The following GFRA1 variants were observed in gnomAD, a reference collection of about 807,000 sequenced individuals.
GFRA1 encodes the protein GDNF family receptor alpha 1.
A neutral mutation model predicts 51.6 loss-of-function variants in GFRA1; 16 were observed. The ratio of observed to expected loss-of-function variants is 0.31; its 90% CI spans 0.21 to 0.47. GFRA1 has a LOEUF of 0.47. Ranked by LOEUF, GFRA1 falls within the 20% of genes least tolerant of loss-of-function variation. The probability of loss-of-function intolerance (pLI) is 1.00; values close to 1 mark genes in which losing one functional copy is unlikely to be tolerated. For missense variants in GFRA1, 530 were observed against 594.3 expected (o/e 0.89, Z 1.13); for synonymous variants, 270 against 241.3 (o/e 1.12, Z -1.10).
intron 9 of GFRA1, among the ~76,000 whole-genome samples, chr10:116,084,110 G>C (rs1955982282): frequency 6.6e-6 from 1 of 152,294 alleles, no homozygotes; most frequent in African/African-American, 2.4e-5. Context: ...ACAAAGAGGG[G>C]CCCACGGTGT....
chr10:116,090,751 T>C (rs1043993720), intron 8 of GFRA1, among the ~76,000 whole-genome samples: 3 of 152,138 alleles, frequency 2.0e-5, no homozygotes, highest in Non-Finnish European at 4.4e-5. Flanking sequence ...TTCATATTCA[T>C]TGTATAAAAA....
chr10:116,178,646 T>A lies in GFRA1; in HGVS notation c.433+32985A>T, dbSNP rs145160938. Among the ~76,000 whole-genome samples the A allele has an allele frequency of 2.8e-3, 421 of 152,298 alleles. 3 individuals are homozygous for A. Among genetic ancestry groups the A allele is most frequent in the African/African-American group, 9.4e-3 (392 of 41,572 alleles). On this transcript the variant is annotated intron_variant, in intron 5 of 10. Coordinates refer to ENST00000355422, the MANE Select transcript of GFRA1 (RefSeq NM_005264.8). The stretch of plus-strand genomic sequence containing the variant: ...GAAGAGGGCAGAGATGAATCCCCAC[T>A]CTGATCTGACTGGGGTCACCCACGG...
intron 5 of GFRA1, among the ~76,000 whole-genome samples, chr10:116,178,339 C>T (rs903395341): frequency 1.3e-5 from 2 of 151,832 alleles, no homozygotes; most frequent in Non-Finnish European, 1.5e-5. Flanking sequence ...TACAGTACGT[C>T]CTGTCTGTAC....
intron 8 of GFRA1, among the ~76,000 whole-genome samples, chr10:116,091,021 CTGG>C (rs1230231820): frequency 6.6e-6 from 1 of 152,150 alleles, no homozygotes; most frequent in Admixed American, 6.6e-5. Context: ...CATGGCTTAA[CTGG>C]TGAGTGTGAG....
At chr10:116,220,186 T>C (rs578066572) in intron 4 of GFRA1, among the ~76,000 whole-genome samples, 79 of 152,360 alleles carry the variant, frequency 5.2e-4, no homozygotes, top group Non-Finnish European at 7.5e-4. Flanking sequence ...TATTCCAAGA[T>C]ATTATCTCAG....
chr10:116,082,091 C>A (rs1406466863), intron 9 of GFRA1, among the ~76,000 whole-genome samples: 1 of 152,130 alleles, frequency 6.6e-6, no homozygotes, highest in Non-Finnish European at 1.5e-5. Flanking sequence ...TTTCTGCAAC[C>A]AAGAATGTTT....
chr10:116,207,974 C>G (rs919545343), intron 5 of GFRA1, among the ~76,000 whole-genome samples: 1 of 152,088 alleles, frequency 6.6e-6, no homozygotes, highest in Admixed American at 6.5e-5. Flanking sequence ...GTTTTTGCAG[C>G]ATCCAGAGTG....
At chr10:116,130,720 C>G (rs900540053) in intron 5 of GFRA1, among the ~76,000 whole-genome samples, 2 of 151,864 alleles carry the variant, frequency 1.3e-5, no homozygotes, top group Non-Finnish European at 2.9e-5. Flanking sequence ...AAAAGAAAAA[C>G]CCAAATACAA....
chr10:116,098,268 A>T (rs944713955), intron 6 of GFRA1, among the ~76,000 whole-genome samples: 5 of 152,246 alleles, frequency 3.3e-5, no homozygotes, highest in Non-Finnish European at 7.3e-5. Flanking sequence ...AAATCCTGCG[A>T]ATGTGGCTGG....
chr10:116,186,898 C>T (rs1328637145), intron 5 of GFRA1, among the ~76,000 whole-genome samples: 6 of 152,088 alleles, frequency 3.9e-5, no homozygotes, highest in Admixed American at 3.9e-4. Context: ...CTTCTTGCAC[C>T]TCAGCTCAAG....
At chr10:116,198,605 G>A (rs952382160) in intron 5 of GFRA1, among the ~76,000 whole-genome samples, 6 of 152,306 alleles carry the variant, frequency 3.9e-5, no homozygotes, top group East Asian at 1.9e-4. Flanking sequence ...GCTACTCGCC[G>A]TGTTTTCCTC....
At chr10:116,253,064 G>A (rs79930607) in intron 4 of GFRA1, among the ~76,000 whole-genome samples, 348 of 152,314 alleles carry the variant, frequency 2.3e-3, no homozygotes, top group African/African-American at 8.1e-3. Context: ...TTTGAGTTAT[G>A]GCCAGGATAT....
intron 3 of GFRA1, 55 bp downstream of exon 3, chr10:116,270,767 G>T: frequency 2.0e-6 from 3 of 1,482,232 alleles, no homozygotes; most frequent in Non-Finnish European, 2.8e-6. Context: ...GGGACGAAAG[G>T]CCCGCCTGCC....
intron 8 of GFRA1, among the ~76,000 whole-genome samples, chr10:116,092,620 C>T (rs558694643): frequency 1.3e-5 from 2 of 152,010 alleles, no homozygotes; most frequent in South Asian, 2.1e-4. Context: ...TCCTCAACAT[C>T]GGGGTGAACA....
chr10:116,088,209 C>T (rs1467088657), intron 9 of GFRA1, among the ~76,000 whole-genome samples: 1 of 152,040 alleles, frequency 6.6e-6, no homozygotes, highest in African/African-American at 2.4e-5. Context: ...CTGAAACTTT[C>T]TAGGGAATGA....
At chr10:116,098,272 T>C (rs1040886627) in intron 6 of GFRA1, among the ~76,000 whole-genome samples, 5 of 152,228 alleles carry the variant, frequency 3.3e-5, no homozygotes, top group African/African-American at 4.8e-5. Context: ...CCTGCGAATG[T>C]GGCTGGGGTG....
At chr10:116,153,076 C>A (rs2134145647) in intron 5 of GFRA1, among the ~76,000 whole-genome samples, 1 of 152,246 alleles carries the variant, frequency 6.6e-6, no homozygotes, top group Middle Eastern at 3.4e-3. Context: ...CAAATAAAAA[C>A]TCCGAGGGGG....
At chr10:116,236,531 AAAAAAGAG>A (rs1161547730) in intron 4 of GFRA1, among the ~76,000 whole-genome samples, 1 of 152,208 alleles carries the variant, frequency 6.6e-6, no homozygotes, top group Admixed American at 6.5e-5. Flanking sequence ...ACAGACCCAG[AAAAAAGAG>A]AAAAAGATTA....
intron 8 of GFRA1, among the ~76,000 whole-genome samples, chr10:116,092,803 C>T (rs1019054970): frequency 6.6e-6 from 1 of 152,196 alleles, no homozygotes; most frequent in African/African-American, 2.4e-5. Flanking sequence ...ATATTTTACA[C>T]TCGCTATAGA....
Sources: gnomAD v4.1 joint callset for allele counts (sites outside exome capture counted in the v4.1 genomes callset) on GRCh38, gnomAD v4.1.1 for gene constraint, MANE v1.5 for transcripts, NCBI Gene and HGNC (gene_info 2026-07-23, HGNC 2026-07-21) for gene names.